RNF6: variants seen among roughly 807,000 people sequenced by gnomAD.
The protein encoded by RNF6 is E3 ubiquitin-protein ligase RNF6.
Under a neutral mutation model 50.1 loss-of-function variants are expected in RNF6, and 21 were observed. The observed-to-expected ratio is 0.42, with a 90% CI of 0.30 to 0.60. RNF6 has a LOEUF of 0.60. Among genes scored for constraint, RNF6 ranks in the 20% least tolerant of loss-of-function variants. RNF6 has a pLI of 0.20. For synonymous variants in RNF6, 255 were observed against 291.8 expected, an observed-to-expected ratio of 0.87 and a Z score of 1.29; for missense variants, 698 against 838.2, an observed-to-expected ratio of 0.83 and a Z score of 2.07.
intron 5 of RNF6, among the ~76,000 whole-genome samples, chr13:26,167,492 A>G (rs561261230): frequency 6.6e-6 from 1 of 152,324 alleles, no homozygotes; most frequent in South Asian, 2.1e-4. Flanking sequence ...AATCAAAACC[A>G]TAACGAGATA....
intron 5 of RNF6, among the ~76,000 whole-genome samples, chr13:26,143,090 G>A (rs1415229807): frequency 1.3e-5 from 2 of 152,114 alleles, no homozygotes; most frequent in Non-Finnish European, 1.5e-5. Context: ...TTCTGTATTT[G>A]CTTTGCCTTC....
intron 4 of RNF6, among the ~76,000 whole-genome samples, chr13:26,215,948 A>G (rs1318426225): frequency 2.0e-5 from 3 of 152,238 alleles, no homozygotes; most frequent in Non-Finnish European, 4.4e-5. Context: ...TCAATATAGT[A>G]ATATCAATAA....
chr13:26,215,222 C>T lies in RNF6; in HGVS notation c.660G>A (p.Arg220=), dbSNP rs1869740983. 2 of 1,614,210 alleles carry T rather than the reference C, an allele frequency of 1.2e-6. No individual in the cohort carries two copies. Among genetic ancestry groups the T allele is most frequent in the Non-Finnish European group, 1.7e-6 (2 of 1,180,040 alleles). The change falls in exon 5 of 5, where the codon AGG becomes AGA. Residue 220 remains arginine, a synonymous_variant. Coordinates refer to ENST00000381588, the MANE Select transcript of RNF6 (RefSeq NM_005977.4). ...AAGATCCTTCAGCTGGATTTTGCCC[C>T]CTTGAAGCAAGCCTAGTCCTTGGAA... is the stretch of plus-strand genomic sequence containing the variant. ...SNIPRTRLAS[R]GQNPAEGSFS...
At chr13:26,134,882 G>C (rs1486839699) in intron 5 of RNF6, among the ~76,000 whole-genome samples, 1 of 152,064 alleles carries the variant, frequency 6.6e-6, no homozygotes, top group Admixed American at 6.5e-5. Context: ...ATATGTTTCT[G>C]TATTATTTAT....
At chr13:26,157,851 A>G (rs2137600935) in intron 5 of RNF6, among the ~76,000 whole-genome samples, 1 of 152,244 alleles carries the variant, frequency 6.6e-6, no homozygotes, top group South Asian at 2.1e-4. Flanking sequence ...GTAGTTGCCC[A>G]CAGAATAAGA....
At chr13:26,141,157 C>T (rs1566404302) in intron 5 of RNF6, among the ~76,000 whole-genome samples, 1 of 152,032 alleles carries the variant, frequency 6.6e-6, no homozygotes, top group Non-Finnish European at 1.5e-5. Flanking sequence ...CAAAGAAGAG[C>T]GTGAATAGCC....
chr13:26,201,138 AT>A (rs1227053773), intron 5 of RNF6, among the ~76,000 whole-genome samples: 1 of 152,100 alleles, frequency 6.6e-6, no homozygotes, highest in African/African-American at 2.4e-5. Context: ...TATATTTCCC[AT>A]TTTTTTAACA....
chr13:26,222,468 C>T (rs1187913805), upstream of RNF6: 2 of 152,318 alleles, frequency 1.3e-5, no homozygotes, highest in Non-Finnish European at 2.9e-5. Context: ...GCTTTCCAGG[C>T]TTGGGAAGTC....
intron 5 of RNF6, among the ~76,000 whole-genome samples, chr13:26,144,217 C>G (rs1175889606): frequency 2.0e-5 from 3 of 152,102 alleles, no homozygotes; most frequent in Admixed American, 1.3e-4. Flanking sequence ...CCATCCCTGC[C>G]ACCATGGCCA....
chr13:26,153,529 G>A (rs758256066), intron 5 of RNF6, among the ~76,000 whole-genome samples: 1 of 152,098 alleles, frequency 6.6e-6, no homozygotes, highest in Non-Finnish European at 1.5e-5. Context: ...TTAAAAGAAT[G>A]GGTAGGATAT....
At chr13:26,134,446 A>G (rs920824857) in intron 5 of RNF6, among the ~76,000 whole-genome samples, 2 of 152,120 alleles carry the variant, frequency 1.3e-5, no homozygotes, top group African/African-American at 4.8e-5. Context: ...TTTTGACTGG[A>G]GAGAACAGGC....
chr13:26,187,200 C>T (rs1273365636), intron 5 of RNF6, among the ~76,000 whole-genome samples: 2 of 152,202 alleles, frequency 1.3e-5, no homozygotes, highest in South Asian at 2.1e-4. Flanking sequence ...CCACCTTGGG[C>T]GCCTCTGCTC....
At chr13:26,179,707 A>G (rs953675161) in intron 5 of RNF6, among the ~76,000 whole-genome samples, 1 of 152,202 alleles carries the variant, frequency 6.6e-6, no homozygotes, top group Non-Finnish European at 1.5e-5. Context: ...TAGCAAGGCC[A>G]GTCCACCTCA....
chr13:26,186,521 GGC>G (rs1282118163), intron 5 of RNF6, among the ~76,000 whole-genome samples: 1 of 152,214 alleles, frequency 6.6e-6, no homozygotes, highest in Non-Finnish European at 1.5e-5. Context: ...GGTCTGTTAG[GGC>G]GCGCGCACAC....
chr13:26,191,095 A>G (rs974503884), intron 5 of RNF6, among the ~76,000 whole-genome samples: 2 of 152,198 alleles, frequency 1.3e-5, no homozygotes, highest in Non-Finnish European at 2.9e-5. Flanking sequence ...GTGATATTCC[A>G]TGGAACAGCC....
intron 5 of RNF6, among the ~76,000 whole-genome samples, chr13:26,187,301 C>T (rs1475602811): frequency 2.0e-5 from 3 of 152,134 alleles, no homozygotes; most frequent in Non-Finnish European, 4.4e-5. Flanking sequence ...ATTAAGCCGG[C>T]ACAAGAAGGG....
chr13:26,145,611 G>A (rs559530401), intron 5 of RNF6, among the ~76,000 whole-genome samples: 10 of 152,266 alleles, frequency 6.6e-5, no homozygotes, highest in Non-Finnish European at 1.3e-4. Flanking sequence ...ATGATTGTAA[G>A]TTTCCTGAGG....
chr13:26,159,517 C>T lies in RNF6; in HGVS notation n.769-27066G>A, dbSNP rs567244305. Among the ~76,000 whole-genome samples the T allele has an allele frequency of 2.1e-3, 318 of 151,730 alleles. 2 individuals carry two copies. The highest frequency in any genetic ancestry group is 3.7e-3 in the Non-Finnish European group (249 of 67,932). ...GTGGGCACCTGTAGTCCCAGCTACTCGGGAGGCTGAGGCAGGAGAATGGCG... is the reference window on the plus strand; with the variant it reads ...GTGGGCACCTGTAGTCCCAGCTACTTGGGAGGCTGAGGCAGGAGAATGGCG... On this transcript the variant is annotated intron_variant and non_coding_transcript_variant, in intron 5 of 5. Transcript: ENST00000468480.
downstream of RNF6, among the ~76,000 whole-genome samples, chr13:26,208,004 C>A (rs1869177390): frequency 6.6e-6 from 1 of 152,172 alleles, no homozygotes; most frequent in Non-Finnish European, 1.5e-5. Flanking sequence ...TTTGAGGTTC[C>A]AAAGGGACAA....
Sources: allele counts gnomAD v4.1 joint callset (sites outside exome capture counted in the v4.1 genomes callset), GRCh38; gene constraint gnomAD v4.1.1; transcripts MANE v1.5; gene names NCBI Gene and HGNC (gene_info 2026-07-23, HGNC 2026-07-21).